The following CD5 variants were observed in gnomAD, a reference collection of about 807,000 sequenced individuals.
CD5 encodes the protein T-cell surface glycoprotein CD5.
Under a neutral mutation model 60.3 loss-of-function variants are expected in CD5, and 36 were observed. The ratio of observed to expected loss-of-function variants is 0.60; its 90% CI spans 0.46 to 0.79. The LOEUF is 0.79. CD5 is among the 30% of genes least tolerant of loss of function. The pLI, the probability that CD5 is intolerant of heterozygous loss-of-function variation, is 0.00. For missense variants in CD5, 540 were observed against 630.6 expected, an observed-to-expected ratio of 0.86 and a Z score of 1.54; for synonymous variants, 230 against 257.6, an observed-to-expected ratio of 0.89 and a Z score of 1.03.
chr11:61,127,749 T>TA lies in CD5; in HGVS notation c.*1468dup, dbSNP rs1861172978. On this transcript the variant is annotated 3_prime_UTR_variant, in exon 11 of 11. Coordinates refer to ENST00000347785, the MANE Select transcript of CD5 (RefSeq NM_014207.4). ...TGTCTCCCATCAGTGCCTTTTTTAA[T>TA]AAAAGCTCTTTCATCTATAGTTTGG... 6.6e-6 allele frequency: 1 copy of TA among 152,206 alleles called. No homozygotes were observed. Among genetic ancestry groups the TA allele is most frequent in the African/African-American group, 2.4e-5 (1 of 41,446 alleles). 9.4% of individuals were successfully genotyped at this position (152,206 alleles called of 1,614,324 possible).
chr11:61,095,376 G>A, the CD5 span, among the ~76,000 whole-genome samples: 3 of 152,210 alleles, frequency 2.0e-5, no homozygotes, highest in Admixed American at 2.0e-4. Context: ...GCGTGCCTTT[G>A]TGTATCAACC....
the CD5 span, among the ~76,000 whole-genome samples, chr11:61,094,196 G>A: frequency 2.6e-5 from 4 of 151,824 alleles, no homozygotes; most frequent in Non-Finnish European, 5.9e-5. Flanking sequence ...CTCCCAGGTA[G>A]GCAATTGCCC....
intron 10 of CD5, 30 bp from the exon 11 acceptor site, chr11:61,126,258 C>A (rs1179148030): frequency 6.3e-6 from 1 of 159,166 alleles, no homozygotes; most frequent in Non-Finnish European, 1.4e-5. Context: ...GCGGTGTCTT[C>A]CTCTAACACG....
At chr11:61,097,787 G>A (rs1008964084), upstream of CD5, among the ~76,000 whole-genome samples, 2 of 152,100 alleles carry the variant, frequency 1.3e-5, no homozygotes, top group African/African-American at 4.8e-5. Context: ...CTGTTACTTG[G>A]GCACAAGACG....
At position 61,105,995 on chromosome 11, in the gene CD5, C is replaced by T. The variant is rs577618546; in HGVS notation, c.55+3380C>T. ...CAAAAATTAGCCGGGAGTGGTGGCA[C>T]GCACCTGTAATGCCAGCTACTCAGG... On this transcript the variant is annotated intron_variant, in intron 1 of 10. Transcript: ENST00000347785. 4.6e-5 allele frequency among the ~76,000 whole-genome samples: 7 copies of T among 152,072 alleles called. No homozygotes were observed. In the East Asian group the frequency reaches 5.8e-4, roughly 13 times the overall value.
chr11:61,103,896 G>T, intron 1 of CD5, among the ~76,000 whole-genome samples: 1 of 92,982 alleles, frequency 1.1e-5, no homozygotes, highest in African/African-American at 5.4e-5. Flanking sequence ...CTGGGCATGT[G>T]TGTGAGTACT....
rs367862087 is a variant in CD5, at chr11:61,125,164, G to A, written c.1399+13G>A. 1.0e-4 allele frequency: 161 copies of A among 1,613,550 alleles called. No homozygotes were observed. Among genetic ancestry groups the A allele is most frequent in the Admixed American group, 1.5e-4 (9 of 59,982 alleles). Reference sequence around the variant, plus strand: ...TCAGCTTATCCAGGTAAGCACCAGCGGGTGCTCCCAGGCACGCAGGCAGGG... The same window carrying A: ...TCAGCTTATCCAGGTAAGCACCAGCAGGTGCTCCCAGGCACGCAGGCAGGG... On this transcript the variant is annotated intron_variant, in intron 9 of 10. Coordinates refer to ENST00000347785, the MANE Select transcript of CD5 (RefSeq NM_014207.4).
chr11:61,121,744 G>A lies in CD5; in HGVS notation c.939G>A (p.Glu313=), dbSNP rs780314882. Residue 313 remains glutamate, a synonymous_variant, in exon 6 of 11, where the codon GAG becomes GAA. Coordinates refer to ENST00000347785, the MANE Select transcript of CD5 (RefSeq NM_014207.4). ...SSSARSSLRW[E]EVCREQQCGS... The stretch of plus-strand genomic sequence containing the variant: ...CAGCCAGGAGCTCGCTGCGGTGGGA[G>A]GAGGTGTGCCGGGAGCAGCAGTGTG... 6.2e-7 allele frequency: 1 copy of A among 1,611,872 alleles called. No individual in the cohort carries two copies. Among genetic ancestry groups the A allele is most frequent in the South Asian group, 1.1e-5 (1 of 90,834 alleles).
chr11:61,115,195 C>A, intron 2 of CD5, 101 bp downstream of exon 2: 1 of 1,035,784 alleles, frequency 9.7e-7, no homozygotes, highest in Non-Finnish European at 1.4e-6. Context: ...ATCACTTCTG[C>A]CAGAGTGAAC....
At chr11:61,111,570 T>C (rs1860856470) in intron 1 of CD5, among the ~76,000 whole-genome samples, 1 of 152,200 alleles carries the variant, frequency 6.6e-6, no homozygotes, top group Non-Finnish European at 1.5e-5. Context: ...AATAAACCCA[T>C]TGTAAGCTGA....
At chr11:61,095,669 C>A in the CD5 span, among the ~76,000 whole-genome samples, 1 of 152,038 alleles carries the variant, frequency 6.6e-6, no homozygotes. Flanking sequence ...AGGACCTGAA[C>A]GAGGGACCAG....
Position 61,116,811 on chromosome 11 carries a change from CCACA to C in CD5, c.95-1357_95-1354del, listed in dbSNP as rs1248610534. 6.2e-5 allele frequency among the ~76,000 whole-genome samples: 9 copies of C among 145,342 alleles called. No homozygotes were observed. The East Asian group carries it at 8.3e-4, about 13-fold the overall frequency. ...ACACACCACCTGCACACTACACACA[CCACA>C]CACACATACAACACACACAACACAC... On this transcript the variant is annotated intron_variant, in intron 2 of 10. Transcript: ENST00000347785.
At chr11:61,096,372 G>A in the CD5 span, among the ~76,000 whole-genome samples, 1 of 152,250 alleles carries the variant, frequency 6.6e-6, no homozygotes, top group Admixed American at 6.5e-5. Context: ...GGAGCCCAAG[G>A]TCAGGATTAC....
At chr11:61,119,659 GT>G in intron 5 of CD5, 84 bp downstream of exon 5, 2 of 966,674 alleles carry the variant, frequency 2.1e-6, no homozygotes, top group East Asian at 2.5e-5. Context: ...CAGGGAACAT[GT>G]GTGCAGCACA....
chr11:61,125,302 A>G, intron 9 of CD5, 151 bp downstream of exon 9: 1 of 847,872 alleles, frequency 1.2e-6, no homozygotes, highest in Non-Finnish European at 1.8e-6. Flanking sequence ...AGGATGCAGC[A>G]GGGGTACGGA....
At chr11:61,122,834 A>G (rs1036478860) in intron 6 of CD5, 73 bp from the exon 7 acceptor site, 5 of 1,480,422 alleles carry the variant, frequency 3.4e-6, no homozygotes, top group Non-Finnish European at 4.6e-6. Flanking sequence ...GAAGCCAGGC[A>G]GCCAGCAGCT....
rs1443407391 is a variant in CD5, at chr11:61,125,762, G to A, written c.1411G>A (p.Ala471Thr). The part of the protein sequence containing the change: ...HLSAYPALEG[A>T]LHRSSMQPDN... The stretch of plus-strand genomic sequence containing the variant: ...CTTTCTTTCCCCAGCTCTGGAAGGG[G>A]CTCTGCATCGCTCCTCCATGCAGCC... The change falls in exon 10 of 11, where the codon GCT (alanine) becomes ACT (threonine). Residue 471 changes from alanine (A) to threonine (T), a missense_variant. Coordinates refer to ENST00000347785, the MANE Select transcript of CD5 (RefSeq NM_014207.4). 1.2e-6 allele frequency: 2 copies of A among 1,611,000 alleles called. No individual in the cohort carries two copies. Among genetic ancestry groups the A allele is most frequent in the Non-Finnish European group, 1.7e-6 (2 of 1,177,936 alleles).
chr11:61,122,312 G>GTGGATGGATGGA (rs759628102), intron 6 of CD5, among the ~76,000 whole-genome samples: 41 of 50,596 alleles, frequency 8.1e-4, no homozygotes, highest in South Asian at 3.1e-3. Flanking sequence ...GGGTGGGTGG[G>GTGGATGGATGGA]TGGATGGATG....
chr11:61,096,576 A>G, the CD5 span, among the ~76,000 whole-genome samples: 2 of 152,222 alleles, frequency 1.3e-5, no homozygotes, highest in Non-Finnish European at 1.5e-5. Flanking sequence ...GTTCTTGTAC[A>G]TGCCTGACTG....
Sources: allele counts gnomAD v4.1 joint callset (sites outside exome capture counted in the v4.1 genomes callset), GRCh38; gene constraint gnomAD v4.1.1; transcripts MANE v1.5; gene names NCBI Gene and HGNC (gene_info 2026-07-23, HGNC 2026-07-21).